The following C8orf74 variants were observed in gnomAD, a reference collection of about 807,000 sequenced individuals.
The protein encoded by C8orf74 is uncharacterized protein C8orf74.
Under a neutral mutation model 22.2 loss-of-function variants are expected in C8orf74, and 29 were observed. The observed-to-expected ratio is 1.31, with a 90% CI of 0.97 to 1.78. C8orf74 has a LOEUF of 1.78. C8orf74 is among the 40% of genes most tolerant of loss of function. C8orf74 has a pLI of 0.00. For missense variants in C8orf74, 515 were observed against 369.9 expected (o/e 1.39, Z -3.22); for synonymous variants, 255 against 163.1 (o/e 1.56, Z -4.30).
chr8:10,696,346 C>A (rs980731994), intron 2 of C8orf74, among the ~76,000 whole-genome samples: 28 of 151,982 alleles, frequency 1.8e-4, no homozygotes, highest in African/African-American at 6.5e-4. Context: ...ATTTTCCCAA[C>A]TCTGCAACAT....
intron 2 of C8orf74, among the ~76,000 whole-genome samples, chr8:10,679,161 G>C (rs1399220442): frequency 6.6e-6 from 1 of 152,168 alleles, no homozygotes; most frequent in Non-Finnish European, 1.5e-5. Flanking sequence ...TGTGGGGCAA[G>C]AACAGCATCC....
In C8orf74 at chr8:10,700,480, G is replaced by T; in HGVS notation, c.*9G>T. On this transcript the variant is annotated 3_prime_UTR_variant, in exon 4 of 4. Transcript: ENST00000304519. ...CGAAGGCAAGGAAGTAGAAGGTCCC[G>T]ACTGCCACACGAGACTGACTGGGGA... 6.6e-7 allele frequency: 1 copy of T among 1,505,772 alleles called. No homozygotes were observed. Among genetic ancestry groups the T allele is most frequent in the South Asian group, 1.2e-5 (1 of 80,672 alleles). The allele number at this position is 1,505,772 out of a possible 1,614,324, so 93.3% of individuals were successfully genotyped here.
chr8:10,696,436 C>CTTTTTTTTTTTTTTT (rs1799501441), intron 2 of C8orf74, among the ~76,000 whole-genome samples: 1 of 130,786 alleles, frequency 7.6e-6, no homozygotes, highest in Non-Finnish European at 1.6e-5. Context: ...CTTTTCTTTT[C>CTTTTTTTTTTTTTTT]TTTTCTTTTT....
At chr8:10,688,115 G>C (rs1204005362) in intron 2 of C8orf74, among the ~76,000 whole-genome samples, 1 of 151,628 alleles carries the variant, frequency 6.6e-6, no homozygotes, top group East Asian at 1.9e-4. Context: ...TGAGGCAGGA[G>C]GATCACTTGA....
chr8:10,695,352 C>T (rs1799468992), intron 2 of C8orf74, among the ~76,000 whole-genome samples: 2 of 152,112 alleles, frequency 1.3e-5, no homozygotes, highest in African/African-American at 4.8e-5. Flanking sequence ...GAGTGTAACC[C>T]TTGGGCTCCA....
intron 2 of C8orf74, among the ~76,000 whole-genome samples, chr8:10,694,666 A>T: frequency 6.6e-6 from 1 of 152,156 alleles, no homozygotes; most frequent in East Asian, 1.9e-4. Flanking sequence ...GGAATCAAAG[A>T]AAAGACAGTT....
intron 2 of C8orf74, among the ~76,000 whole-genome samples, chr8:10,681,424 G>A (rs1387111300): frequency 1.3e-5 from 2 of 151,960 alleles, no homozygotes; most frequent in Non-Finnish European, 1.5e-5. Flanking sequence ...ACCACAGGAA[G>A]GGGGCACAGT....
intron 1 of C8orf74, 31 bp from the exon 2 acceptor site, chr8:10,674,615 T>C: frequency 2.1e-6 from 3 of 1,427,408 alleles, no homozygotes; most frequent in Non-Finnish European, 2.8e-6. Context: ...CCCCACATCA[T>C]ACCCTGCAGT....
Position 10,687,399 on chromosome 8 carries a change from C to T in C8orf74, c.242-10200C>T, listed in dbSNP as rs186789470. ...GCGCAATGGCTAACACATGTAATCC[C>T]GGCAGTTTGGGAGGCCAAGGCGGGT... On this transcript the variant is annotated intron_variant, in intron 2 of 3. Transcript: ENST00000304519. 286 of 241,150 alleles carry T rather than the reference C, an allele frequency of 1.2e-3. 1 individual carries two copies. Among genetic ancestry groups the T allele is most frequent in the South Asian group, 1.7e-3 (38 of 22,378 alleles). 14.9% of individuals were successfully genotyped at this position (241,150 alleles called of 1,614,324 possible). A position where few individuals can be genotyped will look rare whatever the true frequency, so the allele number is the denominator to read the frequency against.
At chr8:10,687,602 TG>T (rs1799287629) in intron 2 of C8orf74, among the ~76,000 whole-genome samples, 1 of 116,588 alleles carries the variant, frequency 8.6e-6, no homozygotes, top group Admixed American at 1.2e-4. Flanking sequence ...GGTGACACAG[TG>T]AGACTCCATC....
At chr8:10,691,154 C>G in intron 2 of C8orf74, 2 of 347,278 alleles carry the variant, frequency 5.8e-6, no homozygotes, top group South Asian at 2.2e-5. Flanking sequence ...GTCTGGGGGC[C>G]GAAAGTTAGA....
At chr8:10,695,371 G>A (rs990583698) in intron 2 of C8orf74, among the ~76,000 whole-genome samples, 2 of 152,142 alleles carry the variant, frequency 1.3e-5, no homozygotes, top group African/African-American at 4.8e-5. Context: ...CAAGCCTGCT[G>A]GTTTGCCATG....
chr8:10,678,720 A>C (rs149439849), intron 2 of C8orf74, among the ~76,000 whole-genome samples: 29 of 152,236 alleles, frequency 1.9e-4, no homozygotes, highest in Middle Eastern at 6.8e-3. Flanking sequence ...GGCTCCTGAC[A>C]GCCATGCCAG....
At chr8:10,699,083 C>T (rs538796896) in intron 3 of C8orf74, among the ~76,000 whole-genome samples, 20 of 152,346 alleles carry the variant, frequency 1.3e-4, no homozygotes, top group African/African-American at 3.6e-4. Flanking sequence ...ACAAAACCCA[C>T]GCAACAGTCT....
Position 10,700,585 on chromosome 8 carries a change from A to C in C8orf74, c.*114A>C. 1 of 626,930 alleles carries C rather than the reference A, an allele frequency of 1.6e-6. No homozygotes were observed. The highest frequency in any genetic ancestry group is 2.5e-5 in the South Asian group (1 of 40,206). The allele number at this position is 626,930 out of a possible 1,614,324, so 38.8% of individuals were successfully genotyped here. A position where few individuals can be genotyped will look rare whatever the true frequency, so the allele number is the denominator to read the frequency against. On this transcript the variant is annotated 3_prime_UTR_variant, in exon 4 of 4. Coordinates refer to ENST00000304519, the MANE Select transcript of C8orf74 (RefSeq NM_001040032.2). ...AGACTTCTTGTGATTAAAAGAAACA[A>C]ACCCATGCCATCATCTGGTCTCTGT... is the stretch of plus-strand genomic sequence containing the variant.
At position 10,697,641 on chromosome 8, in the gene C8orf74, T is replaced by G. The variant is rs1200778586; in HGVS notation, c.284T>G (p.Leu95Arg). The G allele has an allele frequency of 1.2e-6, 2 of 1,613,926 alleles. No homozygotes were observed. Among genetic ancestry groups the G allele is most frequent in the East Asian group, 4.5e-5 (2 of 44,876 alleles). Residue 95 changes from leucine to arginine, a missense_variant, in exon 3 of 4, where the codon CTT (leucine) becomes CGT (arginine). Physicochemically the swap from Leu to Arg is moderately radical, Grantham distance 102. Transcript: ENST00000304519. Reference protein sequence around the residue: ...TEAVTILGNKLRDYRGHFNTT... With the variant: ...TEAVTILGNKRRDYRGHFNTT... ...GCTGTGACGATCCTGGGGAACAAGC[T>G]TAGAGATTACCGGGGCCATTTCAAC...
Position 10,697,716 on chromosome 8 carries a change from G to T in C8orf74, c.359G>T (p.Arg120Leu), listed in dbSNP as rs141492052. The change falls in exon 3 of 4, where the codon CGC becomes CTC. Residue 120 changes from arginine to leucine, a missense_variant. Transcript: ENST00000304519. ...LCDYFHHTFI[R>L]HYKLYQYVLG... ...GACTACTTCCACCACACCTTCATCC[G>T]CCACTACAAACTCTACCAGTATGTC... 10 of 1,613,858 alleles carry T rather than the reference G, an allele frequency of 6.2e-6. No homozygotes were observed. Among genetic ancestry groups the T allele is most frequent in the Non-Finnish European group, 8.5e-6 (10 of 1,179,886 alleles).
intron 1 of C8orf74, 86 bp from the exon 2 acceptor site, chr8:10,674,560 A>G: frequency 1.3e-6 from 1 of 789,426 alleles, no homozygotes; most frequent in Non-Finnish European, 1.7e-6. Flanking sequence ...CACACCCTAT[A>G]GCCCCCATAT....
chr8:10,681,257 CAGA>C (rs1799141792), intron 2 of C8orf74, among the ~76,000 whole-genome samples: 1 of 152,106 alleles, frequency 6.6e-6, no homozygotes, highest in South Asian at 2.1e-4. Flanking sequence ...CACACCAGGC[CAGA>C]AGAAGGAGTC....
Sources: gnomAD v4.1 joint callset for allele counts (sites outside exome capture counted in the v4.1 genomes callset) on GRCh38, gnomAD v4.1.1 for gene constraint, MANE v1.5 for transcripts, NCBI Gene and HGNC (gene_info 2026-07-23, HGNC 2026-07-21) for gene names.